YTHDC2: variants seen among roughly 807,000 people sequenced by gnomAD.
YTHDC2 encodes 3'-5' RNA helicase YTHDC2.
YTHDC2 carries 45 observed loss-of-function variants against 174.9 expected under a neutral mutation model. That is an observed-to-expected ratio of 0.26 (90% CI 0.20 to 0.33). YTHDC2 has a LOEUF of 0.33. Ranked by LOEUF, YTHDC2 falls within the 10% of genes least tolerant of loss-of-function variation. YTHDC2 has a pLI of 1.00. For missense variants in YTHDC2, 1,650 were observed against 1,723.7 expected (o/e 0.96, Z 0.76); for synonymous variants, 657 against 574.5 (o/e 1.14, Z -2.05).
At chr5:113,581,758 A>G (rs904916017) in intron 25 of YTHDC2, 49 bp downstream of exon 25, 1 of 1,371,062 alleles carries the variant, frequency 7.3e-7, no homozygotes, top group Non-Finnish European at 9.5e-7. Context: ...ATTCAGGAAA[A>G]TGAATTATTT....
chr5:113,518,543 G>A (rs1482381250), intron 2 of YTHDC2, among the ~76,000 whole-genome samples: 6 of 148,214 alleles, frequency 4.0e-5, no homozygotes, highest in African/African-American at 5.0e-5. Flanking sequence ...TATTGATTCA[G>A]TAAGTTAGTT....
chr5:113,529,768 A>T (rs1466985492), intron 4 of YTHDC2, among the ~76,000 whole-genome samples: 1 of 152,100 alleles, frequency 6.6e-6, no homozygotes, highest in Non-Finnish European at 1.5e-5. Context: ...AACATCTTAA[A>T]AATAATTTCT....
chr5:113,533,118 A>G (rs1247327272), intron 5 of YTHDC2, 73 bp downstream of exon 5: 3 of 1,520,466 alleles, frequency 2.0e-6, no homozygotes, highest in Non-Finnish European at 2.7e-6. Context: ...CTAAAAATAG[A>G]GGATGTGTTC....
At chr5:113,571,068 G>T (rs1162911839) in intron 23 of YTHDC2, among the ~76,000 whole-genome samples, 2 of 152,142 alleles carry the variant, frequency 1.3e-5, no homozygotes, top group Non-Finnish European at 2.9e-5. Context: ...AGTTTTCAAG[G>T]AGAATGCTTC....
intron 4 of YTHDC2, among the ~76,000 whole-genome samples, chr5:113,527,585 G>C (rs991466331): frequency 2.0e-5 from 3 of 152,036 alleles, no homozygotes; most frequent in Non-Finnish European, 4.4e-5. Context: ...TGATTATATT[G>C]GTTAGTTTAA....
chr5:113,573,987 C>T (rs976495753), intron 23 of YTHDC2, among the ~76,000 whole-genome samples: 5 of 152,152 alleles, frequency 3.3e-5, no homozygotes, highest in African/African-American at 1.2e-4. Context: ...AGCCTCAGCC[C>T]AGTTCTGTGC....
chr5:113,583,466 G>A (rs1306299734), intron 25 of YTHDC2: 2 of 151,846 alleles, frequency 1.3e-5, no homozygotes, highest in East Asian at 1.9e-4. Context: ...TATACCCTAT[G>A]TATCTTTTAT....
At chr5:113,541,742 A>T (rs1371948705) in intron 9 of YTHDC2, among the ~76,000 whole-genome samples, 2 of 152,198 alleles carry the variant, frequency 1.3e-5, no homozygotes, top group African/African-American at 4.8e-5. Context: ...GGTAATAAAA[A>T]TTGTTATTTA....
chr5:113,528,416 G>T (rs918903373), intron 4 of YTHDC2, among the ~76,000 whole-genome samples: 2 of 152,088 alleles, frequency 1.3e-5, no homozygotes, highest in African/African-American at 4.8e-5. Flanking sequence ...ATTTTATCTT[G>T]CCTTTAATGG....
chr5:113,544,013 T>A (rs1775668567), intron 10 of YTHDC2, among the ~76,000 whole-genome samples: 1 of 152,270 alleles, frequency 6.6e-6, no homozygotes, highest in South Asian at 2.1e-4. Context: ...ATGTATTTTT[T>A]ATTTTTCATT....
chr5:113,555,549 G>C (rs927181437), intron 16 of YTHDC2, among the ~76,000 whole-genome samples: 3 of 152,104 alleles, frequency 2.0e-5, no homozygotes, highest in African/African-American at 7.2e-5. Context: ...TTTGTTAGTA[G>C]CTCAGCAGGA....
intron 9 of YTHDC2, 35 bp downstream of exon 9, chr5:113,541,151 G>T (rs2112618710): frequency 6.2e-7 from 1 of 1,609,380 alleles, no homozygotes; most frequent in Non-Finnish European, 8.5e-7. Context: ...CATATTTTGT[G>T]TGAAAATTGT....
At position 113,535,693 on chromosome 5, in the gene YTHDC2, A is replaced by C. The variant is rs1205443307; in HGVS notation, c.997A>C (p.Arg333=). Residue 333 remains arginine (R), a synonymous_variant, in exon 7 of 30, where the codon AGA becomes CGA. Coordinates refer to ENST00000161863, the MANE Select transcript of YTHDC2 (RefSeq NM_022828.5). The stretch of plus-strand genomic sequence containing the variant: ...TAGTGATTTTTTACTTACAAAGTTA[A>C]GAGATTTGTTGCAAAAGCACCCAAC... ...RFSDFLLTKL[R]DLLQKHPTLK... is the part of the protein sequence containing the mutation. 1.9e-6 allele frequency: 3 copies of C among 1,613,820 alleles called. No individual in the cohort carries two copies. The highest frequency in any genetic ancestry group is 2.5e-6 in the Non-Finnish European group (3 of 1,179,892).
intron 29 of YTHDC2, 31 bp from the exon 30 acceptor site, chr5:113,593,451 T>G: frequency 1.5e-6 from 2 of 1,341,564 alleles, no homozygotes; most frequent in Non-Finnish European, 2.1e-6. Context: ...CCTTTCAGAT[T>G]ATTTATCTTT....
chr5:113,590,304 C>T (rs1033812784), intron 26 of YTHDC2, among the ~76,000 whole-genome samples: 1 of 152,162 alleles, frequency 6.6e-6, no homozygotes, highest in South Asian at 2.1e-4. Flanking sequence ...AGTCTTTATT[C>T]TGTTATTAAT....
chr5:113,590,564 C>CATAA (rs1778952723), intron 26 of YTHDC2, among the ~76,000 whole-genome samples: 1 of 152,184 alleles, frequency 6.6e-6, no homozygotes, highest in African/African-American at 2.4e-5. Context: ...TTGGAGCTCT[C>CATAA]TTTATGTGCA....
At chr5:113,579,232 G>A (rs1184587641) in intron 23 of YTHDC2, among the ~76,000 whole-genome samples, 1 of 151,734 alleles carries the variant, frequency 6.6e-6, no homozygotes, top group Non-Finnish European at 1.5e-5. Flanking sequence ...TAAGAGTATT[G>A]CTTTGGGCAC....
At chr5:113,546,253 G>A (rs1029616546) in intron 10 of YTHDC2, among the ~76,000 whole-genome samples, 8 of 152,086 alleles carry the variant, frequency 5.3e-5, no homozygotes, top group Non-Finnish European at 1.2e-4. Context: ...ATTATCCTTA[G>A]CTTTCTTCCT....
intron 2 of YTHDC2, among the ~76,000 whole-genome samples, chr5:113,519,449 T>C (rs917196845): frequency 6.6e-6 from 1 of 152,220 alleles, no homozygotes; most frequent in Non-Finnish European, 1.5e-5. Context: ...TCTCGATTTT[T>C]CTCAGTCCAA....
Sources: gnomAD v4.1 joint callset for allele counts (sites outside exome capture counted in the v4.1 genomes callset) on GRCh38, gnomAD v4.1.1 for gene constraint, MANE v1.5 for transcripts, NCBI Gene and HGNC (gene_info 2026-07-23, HGNC 2026-07-21) for gene names.